LPCAT2: variants seen among roughly 807,000 people sequenced by gnomAD.
The protein encoded by LPCAT2 is 1-AGP acyltransferase 11.
LPCAT2 carries 58 observed loss-of-function variants against 64.7 expected under a neutral mutation model. That is an observed-to-expected ratio of 0.90 (90% CI 0.73 to 1.12). The LOEUF is 1.12. Ranked by LOEUF, LPCAT2 falls within the 50% of genes most tolerant of loss-of-function variation. The probability of loss-of-function intolerance (pLI) is 0.00; values close to 1 mark genes in which losing one functional copy is unlikely to be tolerated. For synonymous variants in LPCAT2, 252 were observed against 245.3 expected, an observed-to-expected ratio of 1.03 and a Z score of -0.26; for missense variants, 579 against 669.8, an observed-to-expected ratio of 0.86 and a Z score of 1.50.
intron 11 of LPCAT2, among the ~76,000 whole-genome samples, chr16:55,564,435 A>G (rs1457107256): frequency 6.6e-6 from 1 of 151,966 alleles, no homozygotes; most frequent in Non-Finnish European, 1.5e-5. Context: ...ACATTTCCTC[A>G]TTTCAAACCT....
At chr16:55,545,622 A>C in intron 8 of LPCAT2, 113 bp from the exon 9 acceptor site, 3 of 683,606 alleles carry the variant, frequency 4.4e-6, no homozygotes, top group South Asian at 4.0e-5. Flanking sequence ...CATATAACCT[A>C]TGTTCTAGAA....
At chr16:55,530,122 A>G (rs1031689437) in intron 4 of LPCAT2, among the ~76,000 whole-genome samples, 175 bp downstream of exon 4, 2 of 152,116 alleles carry the variant, frequency 1.3e-5, no homozygotes, top group Non-Finnish European at 2.9e-5. Flanking sequence ...CCTCTTCCCC[A>G]TGAGATACTC....
intron 1 of LPCAT2, among the ~76,000 whole-genome samples, chr16:55,521,463 A>G (rs550994172): frequency 1.3e-5 from 2 of 151,912 alleles, no homozygotes; most frequent in African/African-American, 4.8e-5. Flanking sequence ...GTGGAACAGT[A>G]CCTAACTAGT....
chr16:55,581,801 T>G (rs1198279865), intron 13 of LPCAT2, among the ~76,000 whole-genome samples: 4 of 152,178 alleles, frequency 2.6e-5, no homozygotes, highest in African/African-American at 7.2e-5. Flanking sequence ...GAAGACAGAA[T>G]AATATTTCAG....
At position 55,582,902 on chromosome 16, in the gene LPCAT2, T is replaced by A; in HGVS notation, c.1451-12T>A. The A allele has an allele frequency of 6.4e-7, 1 of 1,570,910 alleles. No homozygotes were observed. Among genetic ancestry groups the A allele is most frequent in the Non-Finnish European group, 8.7e-7 (1 of 1,150,398 alleles). The stretch of plus-strand genomic sequence containing the variant: ...ACCCCAACTTATTGGATTTTTTTTC[T>A]TTCTCTTCTAGAGGAATTTAAAAGT... On this transcript the variant is annotated splice_polypyrimidine_tract_variant and intron_variant, in intron 13 of 13. Transcript: ENST00000262134.
intron 11 of LPCAT2, among the ~76,000 whole-genome samples, chr16:55,571,847 A>G (rs1298391653): frequency 6.6e-6 from 1 of 152,168 alleles, no homozygotes; most frequent in East Asian, 1.9e-4. Context: ...AATTGCAGCT[A>G]TGGCAATAGT....
rs148359090 is a variant in LPCAT2, at chr16:55,545,928, A to G, written c.935+111A>G. On this transcript the variant is annotated intron_variant, in intron 9 of 13. Coordinates refer to ENST00000262134, the MANE Select transcript of LPCAT2 (RefSeq NM_017839.5). ...TGACCCCTGAAGGCCTCGTTCCCCA[A>G]TTCATTTTGATACGTAAAATAATGT... 6.6e-4 allele frequency: 447 copies of G among 681,710 alleles called. 1 individual carries two copies. The African/African-American group carries it at 7.7e-3, about 12-fold the overall frequency. 42.2% of individuals were successfully genotyped at this position (681,710 alleles called of 1,614,324 possible). A position where few individuals can be genotyped will look rare whatever the true frequency, so the allele number is the denominator to read the frequency against.
At chr16:55,529,727 G>T in intron 3 of LPCAT2, 108 bp from the exon 4 acceptor site, 1 of 455,770 alleles carries the variant, frequency 2.2e-6, no homozygotes. Flanking sequence ...TGTTCTCTTT[G>T]ATTTACTCAT....
intron 12 of LPCAT2, among the ~76,000 whole-genome samples, chr16:55,578,612 G>A (rs1963855238): frequency 6.6e-6 from 1 of 151,940 alleles, no homozygotes; most frequent in South Asian, 2.1e-4. Flanking sequence ...TCCATACTCT[G>A]CCTCAAAGTT....
chr16:55,510,198 G>A (rs1404943244), intron 1 of LPCAT2, among the ~76,000 whole-genome samples: 3 of 152,024 alleles, frequency 2.0e-5, no homozygotes, highest in Admixed American at 2.0e-4. Context: ...AGAAGTTTTG[G>A]TCCAGAATCA....
chr16:55,568,644 C>T (rs1164387892), intron 11 of LPCAT2, among the ~76,000 whole-genome samples: 1 of 152,110 alleles, frequency 6.6e-6, no homozygotes. Context: ...CCAAGTGATT[C>T]TAATGATCAG....
intron 1 of LPCAT2, among the ~76,000 whole-genome samples, chr16:55,518,295 A>T (rs1271291916): frequency 6.6e-6 from 1 of 151,782 alleles, no homozygotes; most frequent in Non-Finnish European, 1.5e-5. Context: ...ATGGGAAGAC[A>T]TCCTGTGTTC....
At chr16:55,561,256 T>C (rs893531472) in intron 11 of LPCAT2, among the ~76,000 whole-genome samples, 15 of 152,042 alleles carry the variant, frequency 9.9e-5, no homozygotes, top group Non-Finnish European at 2.2e-4. Flanking sequence ...TGGACTATTT[T>C]GAATAATGTT....
chr16:55,515,531 A>T (rs1311856314), intron 1 of LPCAT2, among the ~76,000 whole-genome samples: 2 of 152,234 alleles, frequency 1.3e-5, no homozygotes, highest in African/African-American at 4.8e-5. Flanking sequence ...ACATGAAGAA[A>T]TAATCAGCAG....
At chr16:55,566,829 G>T (rs1182454061) in intron 11 of LPCAT2, 1 of 1,613,706 alleles carries the variant, frequency 6.2e-7, no homozygotes, top group Admixed American at 1.7e-5. Flanking sequence ...CCTCTTTGGA[G>T]GAGGTGGTCA....
rs145248094 is a variant in LPCAT2 at position 55,556,103 on chromosome 16, C to T, written c.1215+5001C>T. On this transcript the variant is annotated intron_variant, in intron 11 of 13. Coordinates refer to ENST00000262134, the MANE Select transcript of LPCAT2 (RefSeq NM_017839.5). ...GTGCTGGGATTACAGGTGTGAGTTA[C>T]CACACCAGCCACAAGTAGATGATTG... 2.3e-3 allele frequency among the ~76,000 whole-genome samples: 345 copies of T among 152,238 alleles called. 1 individual carries two copies. Among genetic ancestry groups the T allele is most frequent in the African/African-American group, 7.7e-3 (318 of 41,536 alleles).
At chr16:55,528,241 G>A (rs1596855751) in intron 2 of LPCAT2, 136 bp from the exon 3 acceptor site, 1 of 651,370 alleles carries the variant, frequency 1.5e-6, no homozygotes, top group East Asian at 2.7e-5. Context: ...GTAAGTGTTA[G>A]CTGTTATTCT....
At chr16:55,556,495 G>A (rs1963575753) in intron 11 of LPCAT2, among the ~76,000 whole-genome samples, 2 of 152,246 alleles carry the variant, frequency 1.3e-5, no homozygotes, top group African/African-American at 4.8e-5. Context: ...TATGACACCA[G>A]GGCCGGGCGC....
chr16:55,532,715 C>T (rs1963270151), intron 5 of LPCAT2, 109 bp from the exon 6 acceptor site: 2 of 678,782 alleles, frequency 2.9e-6, no homozygotes, highest in African/African-American at 3.6e-5. Flanking sequence ...ATTTCTGTTA[C>T]ACATACTCTT....
Sources: allele counts gnomAD v4.1 joint callset (sites outside exome capture counted in the v4.1 genomes callset), GRCh38; gene constraint gnomAD v4.1.1; transcripts MANE v1.5; gene names NCBI Gene and HGNC (gene_info 2026-07-23, HGNC 2026-07-21).